Variants in BRD1 observed in about 807,000 individuals in gnomAD.
The protein encoded by BRD1 is bromodomain containing 1, also known as bromodomain-containing protein 1.
In BRD1, 24 loss-of-function variants were observed where a neutral mutation model predicts 107.7. The observed-to-expected ratio is 0.22, with a 90% CI of 0.16 to 0.31. The LOEUF (loss-of-function observed/expected upper bound fraction) is 0.31, where lower values mean the gene tolerates loss of function less well. Among genes scored for constraint, BRD1 ranks in the 10% least tolerant of loss-of-function variants. The pLI is 1.00. For synonymous variants in BRD1, 744 were observed against 686.1 expected (o/e 1.08, Z -1.32); for missense variants, 1,279 against 1,638.6 (o/e 0.78, Z 3.79).
chr22:49,824,399 G>T lies in BRD1; in HGVS notation c.-14-68C>A, dbSNP rs2060124026. The stretch of plus-strand genomic sequence containing the variant: ...CCAAAGACTCGAGAAAACCACAAAA[G>T]CATGCTTGGACAGATCTAGCTCAGC... On this transcript the variant is annotated intron_variant, in intron 1 of 12. Coordinates refer to ENST00000404760, the MANE Select transcript of BRD1 (RefSeq NM_001304808.3). The surrounding 1 kb of genome is among the most constrained non-coding windows in gnomAD (Gnocchi z 5.9). 2.6e-6 allele frequency: 4 copies of T among 1,567,000 alleles called. No individual in the cohort carries two copies. Among genetic ancestry groups the T allele is most frequent in the Non-Finnish European group, 2.6e-6 (3 of 1,159,932 alleles).
rs889428495 is a variant in BRD1, at chr22:49,792,454, G to A, written c.2359+1580C>T. 2.0e-5 allele frequency among the ~76,000 whole-genome samples: 3 copies of A among 152,212 alleles called. No individual in the cohort carries two copies. The highest frequency in any genetic ancestry group is 7.2e-5 in the African/African-American group (3 of 41,456). ...CTCCTGGGCACAATGGGGCGGCCCA[G>A]GGCCCGGACAGGTATGGCTGCCAGA... is the stretch of plus-strand genomic sequence containing the variant. On this transcript the variant is annotated intron_variant, in intron 7 of 12. Transcript: ENST00000404760. This position sits in a 1 kb window ranked among gnomAD's most constrained non-coding sequence, Gnocchi z 4.2.
intron 2 of BRD1, among the ~76,000 whole-genome samples, chr22:49,818,841 G>A (rs796970784): frequency 2.6e-5 from 4 of 151,410 alleles, no homozygotes; most frequent in African/African-American, 7.3e-5. Context: ...AGCCGAGATC[G>A]TGCCACTGCG....
At chr22:49,777,275 C>T (rs2059120046) in intron 9 of BRD1, 114 bp from the exon 10 acceptor site, 1 of 1,511,368 alleles carries the variant, frequency 6.6e-7, no homozygotes, top group Admixed American at 1.8e-5. Context: ...TGCCTGACAC[C>T]CCCGCGGCCA....
In BRD1 at chr22:49,774,091, G is replaced by C. The variant is rs888815172; in HGVS notation, c.*142C>G. On this transcript the variant is annotated 3_prime_UTR_variant, in exon 13 of 13. Transcript: ENST00000404760. ...ACGGAGATGGGTTCCTAGAAAACTTGGAAATAAAACCTCCCCCCTCCCCGG... is the reference window on the plus strand; with the variant it reads ...ACGGAGATGGGTTCCTAGAAAACTTCGAAATAAAACCTCCCCCCTCCCCGG... 8.3e-7 allele frequency: 1 copy of C among 1,207,438 alleles called. No individual in the cohort carries two copies. Among genetic ancestry groups the C allele is most frequent in the Non-Finnish European group, 1.1e-6 (1 of 890,946 alleles). The allele number at this position is 1,207,438 out of a possible 1,614,324, so 74.8% of individuals were successfully genotyped here. A position where few individuals can be genotyped will look rare whatever the true frequency, so the allele number is the denominator to read the frequency against.
At chr22:49,775,783 C>G (rs890793951) in intron 11 of BRD1, 38 bp from the exon 12 acceptor site, 30 of 1,589,966 alleles carry the variant, frequency 1.9e-5, no homozygotes, top group Non-Finnish European at 2.4e-5. Flanking sequence ...TTGTGAGGCT[C>G]ACACCCATAA....
At position 49,824,180 on chromosome 22, in the gene BRD1, C is replaced by T; in HGVS notation, c.138G>A (p.Gly46=). 8 of 1,613,946 alleles carry T rather than the reference C, an allele frequency of 5.0e-6. No individual in the cohort carries two copies. The highest frequency in any genetic ancestry group is 1.1e-5 in the South Asian group (1 of 91,088). The change falls in exon 2 of 13, where the codon GGG becomes GGA. Residue 46 remains glycine (G), a synonymous_variant. Transcript: ENST00000404760. The surrounding 1 kb of genome is among the most constrained non-coding windows in gnomAD (Gnocchi z 5.9). ...CAAAAATACTGATCCTGTGCAAGCG[C>T]CCTTCAATTTCTATCTCTACCATCC... ...AQRMVEIEIE[G]RLHRISIFDP...
chr22:49,786,506 T>TCAG (rs2059328691), intron 8 of BRD1, among the ~76,000 whole-genome samples: 1 of 152,226 alleles, frequency 6.6e-6, no homozygotes, highest in Admixed American at 6.5e-5. Flanking sequence ...CAGTGCTATT[T>TCAG]CAGCAGGTCC....
intron 3 of BRD1, among the ~76,000 whole-genome samples, chr22:49,799,924 T>C (rs2059610533): frequency 6.6e-6 from 1 of 152,226 alleles, no homozygotes; most frequent in South Asian, 2.1e-4. Flanking sequence ...CGGGGCACCC[T>C]GACCCTACCT....
chr22:49,804,217 C>G lies in BRD1; in HGVS notation c.1511G>C (p.Arg504Pro). The change falls in exon 3 of 13, where the codon CGA becomes CCA. Residue 504 changes from arginine (R) to proline (P), a missense_variant. Physicochemically the swap from Arg to Pro is moderately radical, Grantham distance 103. Around this residue, in one of 7 missense-constraint regions of BRD1, gnomAD observed 406 missense variants for 519.4 expected, o/e 0.78. Coordinates refer to ENST00000404760, the MANE Select transcript of BRD1 (RefSeq NM_001304808.3). ...RRLQSSLQSQ[R>P]SSQQRENDEE... ...CGAGCCACGTACCTGCTGTGAGCTT[C>G]GCTGAGACTGCAGGCTGGACTGCAG... is the stretch of plus-strand genomic sequence containing the variant. The G allele has an allele frequency of 6.3e-7, 1 of 1,595,686 alleles. No individual in the cohort carries two copies. Among genetic ancestry groups the G allele is most frequent in the South Asian group, 1.1e-5 (1 of 88,004 alleles).
chr22:49,784,526 C>T (rs978784731), intron 8 of BRD1, among the ~76,000 whole-genome samples: 7 of 152,240 alleles, frequency 4.6e-5, no homozygotes, highest in African/African-American at 1.4e-4. Flanking sequence ...GGCCCGCGGG[C>T]GACACGGGCA....
At chr22:49,819,896 G>C (rs181832958) in intron 2 of BRD1, among the ~76,000 whole-genome samples, 1 of 151,964 alleles carries the variant, frequency 6.6e-6, no homozygotes, top group East Asian at 1.9e-4. Context: ...TTGGGAGTTC[G>C]AGGCGGGTGG....
intron 7 of BRD1, among the ~76,000 whole-genome samples, chr22:49,790,001 CT>C (rs1483925143): frequency 1.3e-5 from 2 of 152,256 alleles, no homozygotes; most frequent in Admixed American, 6.5e-5. Context: ...CCACACGCCC[CT>C]GGCCTCTCTG....
chr22:49,813,922 A>G (rs532604484), intron 2 of BRD1, among the ~76,000 whole-genome samples: 1 of 152,284 alleles, frequency 6.6e-6, no homozygotes, highest in African/African-American at 2.4e-5. Context: ...AAGCAGACCC[A>G]GCATGCACAT....
At chr22:49,775,876 T>G (rs528109234) in intron 11 of BRD1, 131 bp from the exon 12 acceptor site, 2 of 633,670 alleles carry the variant, frequency 3.2e-6, no homozygotes, top group Non-Finnish European at 3.9e-6. Flanking sequence ...CACGCCCCCC[T>G]CGCCGAACCA....
intron 7 of BRD1, among the ~76,000 whole-genome samples, chr22:49,789,615 C>T (rs2059394703): frequency 6.6e-6 from 1 of 152,174 alleles, no homozygotes; most frequent in Non-Finnish European, 1.5e-5. Flanking sequence ...TGCAACAGCA[C>T]CCGGCCAGCA....
chr22:49,818,095 G>T, intron 2 of BRD1: 2 of 544,010 alleles, frequency 3.7e-6, no homozygotes, highest in Non-Finnish European at 4.8e-6. Flanking sequence ...ACCAAGACCA[G>T]TTCATCCTTT....
At chr22:49,817,602 C>T (rs1316921828) in intron 2 of BRD1, 1 of 217,718 alleles carries the variant, frequency 4.6e-6, no homozygotes. Flanking sequence ...CATCGCTCTG[C>T]ACACCAGGCA....
At chr22:49,787,311 CCG>C in intron 8 of BRD1, 77 bp downstream of exon 8, 9 of 1,045,330 alleles carry the variant, frequency 8.6e-6, no homozygotes, top group East Asian at 3.6e-5. Context: ...CCCCCCCCCC[CCG>C]TCACACCAAT....
At chr22:49,812,884 C>T (rs997096406) in intron 2 of BRD1, among the ~76,000 whole-genome samples, 1 of 152,170 alleles carries the variant, frequency 6.6e-6, no homozygotes, top group Non-Finnish European at 1.5e-5. Context: ...TGTACACGGA[C>T]GCACCAAGGA....
Sources: gnomAD v4.1 joint callset for allele counts (sites outside exome capture counted in the v4.1 genomes callset) on GRCh38, gnomAD v4.1.1 for gene constraint, gnomAD v4.1.1 regional missense constraint, Gnocchi (gnomAD v3.1) non-coding constraint, MANE v1.5 for transcripts, NCBI Gene and HGNC (gene_info 2026-07-23, HGNC 2026-07-21) for gene names.